Variants in LURAP1L observed in about 807,000 individuals in gnomAD.
LURAP1L encodes leucine rich adaptor protein 1 like.
In LURAP1L, 12 loss-of-function variants were observed where a neutral mutation model predicts 13.8. The observed-to-expected ratio is 0.87, with a 90% CI of 0.56 to 1.41. The LOEUF (loss-of-function observed/expected upper bound fraction) is 1.41. Among genes scored for constraint, LURAP1L ranks in the 40% most tolerant of loss-of-function variants. LURAP1L has a pLI of 0.00. For synonymous variants in LURAP1L, 139 were observed against 119.2 expected (o/e 1.17, Z -1.08); for missense variants, 375 against 292.9 (o/e 1.28, Z -2.04).
In LURAP1L at chr9:12,785,202, G is replaced by C. The variant is rs573547015; in HGVS notation, c.312+9175G>C. On this transcript the variant is annotated intron_variant, in intron 1 of 1. Transcript: ENST00000319264. ...CATGGGGGCTTCAGGACTCTGCTTGGTGTTTTATTTTACTATGGCTGAGGT... is the reference window on the plus strand; with the variant it reads ...CATGGGGGCTTCAGGACTCTGCTTGCTGTTTTATTTTACTATGGCTGAGGT... Among the ~76,000 whole-genome samples, 27 of 152,190 alleles carry C rather than the reference G, an allele frequency of 1.8e-4. 1 individual carries two copies. The South Asian group carries it at 4.6e-3, about 26-fold the overall frequency.
chr9:12,800,616 A>G (rs529150216), intron 1 of LURAP1L, among the ~76,000 whole-genome samples: 2 of 152,224 alleles, frequency 1.3e-5, no homozygotes, highest in Non-Finnish European at 1.5e-5. Flanking sequence ...AGCAAGAATC[A>G]TTCAAGAATA....
chr9:12,796,672 C>A, intron 1 of LURAP1L, among the ~76,000 whole-genome samples: 1 of 151,944 alleles, frequency 6.6e-6, no homozygotes, highest in Non-Finnish European at 1.5e-5. Flanking sequence ...TTTTCTTTTG[C>A]CAACTGAATA....
chr9:12,793,335 C>T (rs1415279805), intron 1 of LURAP1L, among the ~76,000 whole-genome samples: 2 of 151,974 alleles, frequency 1.3e-5, no homozygotes, highest in East Asian at 1.9e-4. Flanking sequence ...TCTTAGATGT[C>T]TGTTTTGATA....
Position 12,775,945 on chromosome 9 carries a change from C to A in LURAP1L, c.230C>A (p.Pro77Gln). 1.9e-6 allele frequency: 3 copies of A among 1,586,610 alleles called. No individual in the cohort carries two copies. The highest frequency in any genetic ancestry group is 2.6e-6 in the Non-Finnish European group (3 of 1,166,480). ...PSLSSSSSSS[P>Q]TSGSPRGSHS... is the part of the protein sequence containing the mutation. ...TTGTCGTCCTCCTCTTCGTCCTCCC[C>A]AACCTCTGGCTCCCCACGAGGTAGC... Residue 77 changes from proline to glutamine, a missense_variant, in exon 1 of 2, where the codon CCA (proline) becomes CAA (glutamine). Transcript: ENST00000319264.
Position 12,788,966 on chromosome 9 carries a change from C to A in LURAP1L, c.312+12939C>A, listed in dbSNP as rs749091570. Among the ~76,000 whole-genome samples the A allele has an allele frequency of 1.7e-4, 25 of 151,180 alleles. 1 individual carries two copies. Among genetic ancestry groups the A allele is most frequent in the Non-Finnish European group, 2.8e-4 (19 of 67,832 alleles). ...GCCTTAGTCCCAGCTTCTCAGGAGG[C>A]AGGGTCAGGAGGATCTCTGGAGCCC... On this transcript the variant is annotated intron_variant, in intron 1 of 1. Transcript: ENST00000319264.
chr9:12,820,300 T>G (rs1475328939), intron 1 of LURAP1L, among the ~76,000 whole-genome samples: 1 of 151,916 alleles, frequency 6.6e-6, no homozygotes, highest in East Asian at 2.0e-4. Flanking sequence ...GTCAAGAGTT[T>G]GAGACCATCC....
At chr9:12,793,554 A>G (rs1819472907) in intron 1 of LURAP1L, among the ~76,000 whole-genome samples, 1 of 152,078 alleles carries the variant, frequency 6.6e-6, no homozygotes, top group South Asian at 2.1e-4. Context: ...TGGGATTATA[A>G]GAGACTAATT....
At chr9:12,805,134 A>T (rs1819639499) in intron 1 of LURAP1L, among the ~76,000 whole-genome samples, 1 of 152,190 alleles carries the variant, frequency 6.6e-6, no homozygotes, top group African/African-American at 2.4e-5. Flanking sequence ...ATTCATCTTG[A>T]TTCTTACATA....
intron 1 of LURAP1L, among the ~76,000 whole-genome samples, chr9:12,813,730 C>T (rs115991790): frequency 0.019 from 2,947 of 152,174 alleles, 112 homozygotes; most frequent in African/African-American, 0.068. Context: ...CATTGATGAA[C>T]CAGTAAAATT....
intron 1 of LURAP1L, among the ~76,000 whole-genome samples, chr9:12,803,741 C>G (rs1288127139): frequency 1.3e-5 from 2 of 152,106 alleles, no homozygotes; most frequent in Non-Finnish European, 2.9e-5. Flanking sequence ...TAAACTAGAT[C>G]AAACACTTTA....
In LURAP1L at chr9:12,821,673, C is replaced by G; in HGVS notation, c.600C>G (p.Asp200Glu). The change falls in exon 2 of 2, where the codon GAC (aspartate) becomes GAG (glutamate). Residue 200 changes from aspartate to glutamate, a missense_variant. By Grantham distance (45) the Asp-to-Glu change is conservative. Transcript: ENST00000319264. The stretch of plus-strand genomic sequence containing the variant: ...GCCATCAGACCCCTTCAGACTTGGA[C>G]CAATTCAGTGACAGCTCCCTCATAG... The part of the protein sequence containing the change: ...VPGHQTPSDL[D>E]QFSDSSLIED... The G allele has an allele frequency of 6.2e-7, 1 of 1,614,162 alleles. No homozygotes were observed. Among genetic ancestry groups the G allele is most frequent in the Non-Finnish European group, 8.5e-7 (1 of 1,180,024 alleles).
At chr9:12,788,040 A>G (rs1174531191) in intron 1 of LURAP1L, among the ~76,000 whole-genome samples, 1 of 151,976 alleles carries the variant, frequency 6.6e-6, no homozygotes, top group South Asian at 2.1e-4. Context: ...TGAACCCAGG[A>G]GGCAGAGGTT....
At chr9:12,804,691 T>C (rs1819632729) in intron 1 of LURAP1L, among the ~76,000 whole-genome samples, 2 of 152,056 alleles carry the variant, frequency 1.3e-5, no homozygotes, top group South Asian at 4.1e-4. Context: ...ATAGTAAAAA[T>C]ATAGAAATAT....
chr9:12,787,460 CA>C (rs1273663756), intron 1 of LURAP1L, among the ~76,000 whole-genome samples: 1 of 152,044 alleles, frequency 6.6e-6, no homozygotes, highest in Non-Finnish European at 1.5e-5. Context: ...AAAAAAATTG[CA>C]GCTGATGAGG....
intron 1 of LURAP1L, among the ~76,000 whole-genome samples, chr9:12,780,828 A>T (rs560244113): frequency 6.6e-6 from 1 of 152,208 alleles, no homozygotes; most frequent in East Asian, 1.9e-4. Context: ...AGTTCACTTA[A>T]TCTTACTCCT....
At chr9:12,780,922 T>A (rs533529550) in intron 1 of LURAP1L, among the ~76,000 whole-genome samples, 1 of 152,274 alleles carries the variant, frequency 6.6e-6, no homozygotes, top group East Asian at 1.9e-4. Flanking sequence ...ATTTATCATA[T>A]CTTTGTGTTA....
intron 1 of LURAP1L, among the ~76,000 whole-genome samples, chr9:12,820,072 G>A (rs1049998604): frequency 1.3e-5 from 2 of 152,116 alleles, no homozygotes; most frequent in Non-Finnish European, 2.9e-5. Context: ...ACAATCATGG[G>A]AGTTCTTACA....
intron 1 of LURAP1L, among the ~76,000 whole-genome samples, chr9:12,798,992 T>C (rs1418219665): frequency 1.3e-5 from 2 of 152,224 alleles, no homozygotes; most frequent in African/African-American, 4.8e-5. Flanking sequence ...GATTATTCTT[T>C]TTTTAATCCA....
intron 1 of LURAP1L, among the ~76,000 whole-genome samples, chr9:12,784,267 T>C (rs1422708063): frequency 6.6e-6 from 1 of 152,168 alleles, no homozygotes; most frequent in Non-Finnish European, 1.5e-5. Context: ...TGTTCATCAA[T>C]GTCTGGGTGT....
Sources: allele counts gnomAD v4.1 joint callset (sites outside exome capture counted in the v4.1 genomes callset), GRCh38; gene constraint gnomAD v4.1.1; transcripts MANE v1.5; gene names NCBI Gene and HGNC (gene_info 2026-07-23, HGNC 2026-07-21).